Variants in DLG2 observed in about 807,000 individuals in gnomAD.
DLG2 encodes the protein discs large MAGUK scaffold protein 2, also known as disks large homolog 2.
Under a neutral mutation model 132.5 loss-of-function variants are expected in DLG2, and 45 were observed. That is an observed-to-expected ratio of 0.34 (90% confidence interval 0.27 to 0.44). DLG2 has a LOEUF of 0.44. DLG2 is among the 20% of genes least tolerant of loss of function. The pLI, the probability that DLG2 is intolerant of heterozygous loss-of-function variation, is 1.00. For synonymous variants in DLG2, 424 were observed against 419.6 expected (o/e 1.01, Z -0.13); for missense variants, 1,045 against 1,196.9 (o/e 0.87, Z 1.87).
At chr11:85,241,421 T>C (rs1014227595) in intron 4 of DLG2, among the ~76,000 whole-genome samples, 2 of 151,928 alleles carry the variant, frequency 1.3e-5, no homozygotes, top group African/African-American at 2.4e-5. Context: ...GCTTCCCATA[T>C]ATTGCCAAAC....
chr11:83,472,143 G>A (rs2092115095), intron 23 of DLG2, among the ~76,000 whole-genome samples: 1 of 152,072 alleles, frequency 6.6e-6, no homozygotes, highest in Non-Finnish European at 1.5e-5. Flanking sequence ...ATGTTTTCAT[G>A]ATTTCTTTTC....
intron 19 of DLG2, among the ~76,000 whole-genome samples, chr11:83,546,113 GC>G (rs1259217753): frequency 6.6e-6 from 1 of 152,056 alleles, no homozygotes; most frequent in African/African-American, 2.4e-5. Flanking sequence ...ATGTGTGGTG[GC>G]CCCTTGCCAA....
In DLG2 at chr11:85,449,525, C is replaced by A. The variant is rs1171602417; in HGVS notation, c.40+149132G>T. ...TTCTGCCCCTTCTTTTTAATTATAT[C>A]TTATTCCTTTCTTATATTAGAGAGT... On this transcript the variant is annotated intron_variant, in intron 3 of 27. Coordinates refer to ENST00000376104, the MANE Select transcript of DLG2 (RefSeq NM_001142699.3). Among the ~76,000 whole-genome samples the A allele has an allele frequency of 3.3e-5, 5 of 151,458 alleles. No individual in the cohort carries two copies. The South Asian group carries it at 1.0e-3, about 32-fold the overall frequency.
Position 85,407,837 on chromosome 11 carries a change from G to A in DLG2, c.41-122472C>T, listed in dbSNP as rs1386018925. The stretch of plus-strand genomic sequence containing the variant: ...GCTACAGAGAGGTGTTAATTTCCAT[G>A]TACTCCAGTCTGTCCCTGTCTTTCA... On this transcript the variant is annotated intron_variant, in intron 3 of 27. Coordinates refer to ENST00000376104, the MANE Select transcript of DLG2 (RefSeq NM_001142699.3). 4.6e-5 allele frequency among the ~76,000 whole-genome samples: 7 copies of A among 151,858 alleles called. No individual in the cohort carries two copies. The East Asian group carries it at 1.4e-3, about 29-fold the overall frequency.
chr11:83,514,794 G>C (rs2095224944), intron 21 of DLG2, among the ~76,000 whole-genome samples: 2 of 152,068 alleles, frequency 1.3e-5, no homozygotes, highest in Non-Finnish European at 2.9e-5. Flanking sequence ...CAATCATGTG[G>C]TTTTTGTCAT....
chr11:85,623,056 TC>T (rs1428420438), intron 2 of DLG2, among the ~76,000 whole-genome samples: 6 of 144,558 alleles, frequency 4.2e-5, no homozygotes, highest in African/African-American at 1.6e-4. Flanking sequence ...AGACTCTGTC[TC>T]CCAAAAAAAA....
intron 6 of DLG2, among the ~76,000 whole-genome samples, chr11:84,786,283 A>G (rs1159460479): frequency 6.6e-6 from 1 of 152,162 alleles, no homozygotes; most frequent in Non-Finnish European, 1.5e-5. Flanking sequence ...AATAAAACCA[A>G]CTACTCACTT....
intron 3 of DLG2, among the ~76,000 whole-genome samples, chr11:85,395,814 C>T (rs1282791966): frequency 2.0e-5 from 3 of 152,202 alleles, no homozygotes; most frequent in Non-Finnish European, 4.4e-5. Flanking sequence ...CTGCCTCTAT[C>T]GATTCCACTT....
intron 6 of DLG2, among the ~76,000 whole-genome samples, chr11:84,678,024 T>C (rs2099718594): frequency 1.3e-5 from 2 of 152,098 alleles, no homozygotes; most frequent in South Asian, 4.1e-4. Context: ...CCATTAAGTA[T>C]CAAGGCAATT....
intron 8 of DLG2, among the ~76,000 whole-genome samples, chr11:84,239,480 C>A (rs2097199611): frequency 6.6e-6 from 1 of 152,036 alleles, no homozygotes; most frequent in African/African-American, 2.4e-5. Flanking sequence ...CCATGCCCAG[C>A]CTGGAATTTA....
chr11:85,158,592 A>G (rs2077772708), intron 4 of DLG2, among the ~76,000 whole-genome samples: 1 of 152,178 alleles, frequency 6.6e-6, no homozygotes, highest in African/African-American at 2.4e-5. Flanking sequence ...TCTACTCTGT[A>G]TGTCAGATCT....
intron 15 of DLG2, among the ~76,000 whole-genome samples, chr11:83,923,803 A>G (rs2078410652): frequency 1.3e-5 from 2 of 152,108 alleles, no homozygotes; most frequent in African/African-American, 4.8e-5. Context: ...CCTGCATTCA[A>G]ACTTTTCCCA....
At chr11:83,721,460 C>A (rs1431177084) in intron 18 of DLG2, among the ~76,000 whole-genome samples, 4 of 152,134 alleles carry the variant, frequency 2.6e-5, no homozygotes, top group African/African-American at 9.7e-5. Context: ...ATAACACATG[C>A]GCATCATCAT....
At chr11:85,476,482 CAT>C (rs1597699803) in intron 3 of DLG2, among the ~76,000 whole-genome samples, 1 of 152,170 alleles carries the variant, frequency 6.6e-6, no homozygotes, top group East Asian at 1.9e-4. Context: ...CTACTTTACA[CAT>C]CTTTTAATTT....
intron 6 of DLG2, among the ~76,000 whole-genome samples, chr11:84,570,165 A>G (rs1031097473): frequency 6.6e-6 from 1 of 152,192 alleles, no homozygotes; most frequent in Non-Finnish European, 1.5e-5. Flanking sequence ...GTCCCTACAT[A>G]ACTCTCAGTC....
rs191376409 is a variant in DLG2, at chr11:84,000,991, C to G, written c.920-20349G>C. ...AAATAGCATCATGACAGAAAGCTAC[C>G]AAACCAAAATGGAAAACAATAAAAG... is the stretch of plus-strand genomic sequence containing the variant. On this transcript the variant is annotated intron_variant, in intron 11 of 27. Transcript: ENST00000376104. 3.2e-4 allele frequency among the ~76,000 whole-genome samples: 48 copies of G among 151,884 alleles called. No individual in the cohort carries two copies. The East Asian group carries it at 8.3e-3, about 26-fold the overall frequency.
chr11:84,859,420 A>G (rs1183483864), intron 6 of DLG2, among the ~76,000 whole-genome samples: 7 of 144,684 alleles, frequency 4.8e-5, no homozygotes, highest in African/African-American at 1.8e-4. Context: ...ATATATGTAT[A>G]CATATACATA....
At chr11:84,746,839 G>A (rs1277677937) in intron 6 of DLG2, among the ~76,000 whole-genome samples, 1 of 152,150 alleles carries the variant, frequency 6.6e-6, no homozygotes, top group African/African-American at 2.4e-5. Flanking sequence ...TCTGCATGGG[G>A]ATGGTGTATC....
chr11:85,427,536 A>C (rs1441136809), intron 3 of DLG2, among the ~76,000 whole-genome samples: 6 of 152,232 alleles, frequency 3.9e-5, no homozygotes, highest in Admixed American at 3.9e-4. Context: ...AAGCTTCATA[A>C]GTGAAGGAGA....
Sources: gnomAD v4.1 joint callset for allele counts (sites outside exome capture counted in the v4.1 genomes callset) on GRCh38, gnomAD v4.1.1 for gene constraint, MANE v1.5 for transcripts, NCBI Gene and HGNC (gene_info 2026-07-23, HGNC 2026-07-21) for gene names.